The following ZNF208 variants were observed in gnomAD, a reference collection of about 807,000 sequenced individuals.
ZNF208 encodes the protein zinc finger protein 208.
In ZNF208, 10 loss-of-function variants were observed where a neutral mutation model predicts 12.1. The observed-to-expected ratio is 0.83, with a 90% CI of 0.51 to 1.40. The LOEUF (loss-of-function observed/expected upper bound fraction) is 1.40, where lower values mean the gene tolerates loss of function less well. Among genes scored for constraint, ZNF208 ranks in the 40% most tolerant of loss-of-function variants. The pLI, the probability that ZNF208 is intolerant of heterozygous loss-of-function variation, is 0.00. For synonymous variants in ZNF208, 497 were observed against 488.4 expected (o/e 1.02, Z -0.23); for missense variants, 1,652 against 1,485.0 (o/e 1.11, Z -1.85).
At position 21,972,776 on chromosome 19, in the gene ZNF208, T is replaced by G. The variant is rs1404721633; in HGVS notation, c.2258A>C (p.Glu753Ala). The G allele has an allele frequency of 1.1e-5, 18 of 1,611,974 alleles. No individual in the cohort carries two copies. Among genetic ancestry groups the G allele is most frequent in the Admixed American group, 1.7e-5 (1 of 59,886 alleles). ...GGACCACTTATAGGCTTTGCCACATTCTTCACATTTGTAGGGTTTCTCTCC... is the reference window on the plus strand; with the variant it reads ...GGACCACTTATAGGCTTTGCCACATGCTTCACATTTGTAGGGTTTCTCTCC... ...HTGEKPYKCE[E>A]CGKAYKWSST... The change falls in exon 4 of 4, where the codon GAA becomes GCA. Residue 753 changes from glutamate to alanine, a missense_variant. Physicochemically the swap from Glu to Ala is moderately radical, Grantham distance 107. Coordinates refer to ENST00000397126, the MANE Select transcript of ZNF208 (RefSeq NM_007153.3).
Position 21,989,577 on chromosome 19 carries a change from T to A in ZNF208, c.4-668A>T, listed in dbSNP as rs1419324518. On this transcript the variant is annotated intron_variant, in intron 1 of 3. Transcript: ENST00000397126. ...TGTGTCTTTATAGCAGCATGATTTA[T>A]AGTCCTTTGGATATATACCCAGTAA... is the stretch of plus-strand genomic sequence containing the variant. 2.6e-5 allele frequency among the ~76,000 whole-genome samples: 4 copies of A among 152,222 alleles called. No individual in the cohort carries two copies. The East Asian group carries it at 7.7e-4, about 29-fold the overall frequency.
At chr19:21,975,823 C>CAAAAAAAA (rs532995268) in intron 3 of ZNF208, among the ~76,000 whole-genome samples, 11 of 26,430 alleles carry the variant, frequency 4.2e-4, no homozygotes, top group Admixed American at 2.1e-3. Flanking sequence ...AGTCAAAGTC[C>CAAAAAAAA]AAAAAAAAAA....
chr19:21,944,549 A>G (rs144316113), intron 4 of ZNF208, among the ~76,000 whole-genome samples: 262 of 152,284 alleles, frequency 1.7e-3, no homozygotes, highest in African/African-American at 5.8e-3. Context: ...AATATATACT[A>G]TATTATTTAG....
At chr19:21,945,143 C>A (rs1015238971) in intron 4 of ZNF208, among the ~76,000 whole-genome samples, 1 of 152,142 alleles carries the variant, frequency 6.6e-6, no homozygotes, top group African/African-American at 2.4e-5. Flanking sequence ...AGAGGGCCAT[C>A]CAGAACATGC....
intron 1 of ZNF208, among the ~76,000 whole-genome samples, chr19:22,003,681 C>T (rs1364449936): frequency 6.6e-6 from 1 of 152,138 alleles, no homozygotes; most frequent in African/African-American, 2.4e-5. Flanking sequence ...TTGTGAAAAG[C>T]AGTGTGGTGA....
chr19:21,997,126 G>T (rs1003400593), intron 1 of ZNF208, among the ~76,000 whole-genome samples: 17 of 152,176 alleles, frequency 1.1e-4, no homozygotes, highest in African/African-American at 4.1e-4. Context: ...AGAACAGAAA[G>T]AAAATTGTTT....
chr19:21,984,645 A>G (rs1287436196), intron 3 of ZNF208, among the ~76,000 whole-genome samples: 1 of 152,238 alleles, frequency 6.6e-6, no homozygotes, highest in East Asian at 1.9e-4. Context: ...TAATGTTAAT[A>G]TTGTAAAGAT....
intron 4 of ZNF208, among the ~76,000 whole-genome samples, chr19:21,957,791 AT>A (rs1969999256): frequency 6.6e-6 from 1 of 151,976 alleles, no homozygotes; most frequent in Non-Finnish European, 1.5e-5. Context: ...TTTGCAAACA[AT>A]TCAGTCTATT....
At chr19:21,992,542 G>A (rs1271158455) in intron 1 of ZNF208, among the ~76,000 whole-genome samples, 2 of 152,140 alleles carry the variant, frequency 1.3e-5, no homozygotes, top group Admixed American at 6.6e-5. Flanking sequence ...GTACTGCAGA[G>A]ACATAATAAA....
At chr19:21,947,537 A>G (rs1209148963) in intron 4 of ZNF208, among the ~76,000 whole-genome samples, 3 of 152,130 alleles carry the variant, frequency 2.0e-5, no homozygotes, top group East Asian at 1.9e-4. Flanking sequence ...CAGTCCCCCA[A>G]TTATTTTCCC....
At chr19:22,005,054 T>A (rs775637131) in intron 1 of ZNF208, among the ~76,000 whole-genome samples, 1 of 152,194 alleles carries the variant, frequency 6.6e-6, no homozygotes, top group Non-Finnish European at 1.5e-5. Flanking sequence ...GATAAGATTA[T>A]GAACCCTAGG....
intron 4 of ZNF208, among the ~76,000 whole-genome samples, chr19:21,960,662 T>C (rs1320791991): frequency 6.6e-6 from 1 of 152,168 alleles, no homozygotes; most frequent in Non-Finnish European, 1.5e-5. Context: ...CTATCCTGAA[T>C]GTCAAGAACA....
chr19:21,950,094 T>C (rs1969867366), intron 4 of ZNF208, among the ~76,000 whole-genome samples: 1 of 152,250 alleles, frequency 6.6e-6, no homozygotes, highest in African/African-American at 2.4e-5. Context: ...TTATATTCTC[T>C]GTAAAGTTTT....
Position 21,970,454 on chromosome 19 carries a change from A to G in ZNF208, c.*737T>C, listed in dbSNP as rs1970257862. Among the ~76,000 whole-genome samples the G allele has an allele frequency of 2.0e-5, 3 of 152,286 alleles. No homozygotes were observed. The South Asian group carries it at 6.2e-4, about 32-fold the overall frequency. ...CAGATTTGTAGGGTTTCCCTCCTGTACAAATTCCCTTATGTTCAGTAAGCG... is the reference window on the plus strand; with the variant it reads ...CAGATTTGTAGGGTTTCCCTCCTGTGCAAATTCCCTTATGTTCAGTAAGCG... On this transcript the variant is annotated 3_prime_UTR_variant, in exon 4 of 4. Coordinates refer to ENST00000397126, the MANE Select transcript of ZNF208 (RefSeq NM_007153.3).
At chr19:21,986,843 C>T (rs1270235192) in intron 3 of ZNF208, 2 of 391,224 alleles carry the variant, frequency 5.1e-6, no homozygotes, top group Non-Finnish European at 9.0e-6. Flanking sequence ...TCACACATTT[C>T]AGAGATGATG....
In ZNF208 at chr19:21,972,026, C is replaced by T. The variant is rs896836007; in HGVS notation, c.3008G>A (p.Cys1003Tyr). The T allele has an allele frequency of 4.5e-5, 73 of 1,613,686 alleles. No homozygotes were observed. Among genetic ancestry groups the T allele is most frequent in the Non-Finnish European group, 6.0e-5 (71 of 1,179,932 alleles). ...VIHTGEKPYK[C>Y]EECGKAFNWS... ...GTTGAAAGCTTTGCCACATTCTTCA[C>T]ATTTGTAGGGTTTCTCTCCAGTATG... The change falls in exon 4 of 4, where the codon TGT becomes TAT. Residue 1003 changes from cysteine to tyrosine, a missense_variant. Around this residue, in one of 3 missense-constraint regions of ZNF208, gnomAD observed 1,239 missense variants for 1,086.2 expected, o/e 1.14. Coordinates refer to ENST00000397126, the MANE Select transcript of ZNF208 (RefSeq NM_007153.3).
In ZNF208 at chr19:22,010,849, A is replaced by G; in HGVS notation, c.-55T>C. 1 of 1,611,846 alleles carries G rather than the reference A, an allele frequency of 6.2e-7. No individual in the cohort carries two copies. The highest frequency in any genetic ancestry group is 8.5e-7 in the Non-Finnish European group (1 of 1,178,120). On this transcript the variant is annotated 5_prime_UTR_variant, in exon 1 of 4. Transcript: ENST00000397126. ...TAGTTGTGGATCTCCCAATACCTGC[A>G]GGTCATAGGGCCACAGAGGCTGGGA...
chr19:21,950,503 T>TA (rs978798023), intron 4 of ZNF208, among the ~76,000 whole-genome samples: 58 of 151,372 alleles, frequency 3.8e-4, no homozygotes, highest in Non-Finnish European at 6.2e-4. Context: ...TTTTTTTTTT[T>TA]TTTTATGCAG....
In ZNF208 at chr19:21,971,827, G is replaced by C. The variant is rs1325438290; in HGVS notation, c.3207C>G (p.Pro1069=). 3.1e-6 allele frequency: 5 copies of C among 1,613,220 alleles called. No individual in the cohort carries two copies. The East Asian group carries it at 1.1e-4, about 36-fold the overall frequency. Residue 1069 remains proline, a synonymous_variant, in exon 4 of 4, where the codon CCC becomes CCG. Transcript: ENST00000397126. ...CEECGKAFSW[P]SRLTEHKATH... is the part of the protein sequence containing the mutation. ...TTGCCTTATGTTCAGTAAGTCTTGA[G>C]GGCCAGCTGAAGGCTTTGCCACATT...
Sources: gnomAD v4.1 joint callset for allele counts (sites outside exome capture counted in the v4.1 genomes callset) on GRCh38, gnomAD v4.1.1 for gene constraint, gnomAD v4.1.1 regional missense constraint, MANE v1.5 for transcripts, NCBI Gene and HGNC (gene_info 2026-07-23, HGNC 2026-07-21) for gene names.